The following TCF7L1 variants were observed in gnomAD, a reference collection of about 807,000 sequenced individuals.
TCF7L1 encodes transcription factor 7-like 1.
Under a neutral mutation model 63.7 loss-of-function variants are expected in TCF7L1, and 18 were observed. That is an observed-to-expected ratio of 0.28 (90% CI 0.20 to 0.42). The LOEUF is 0.42. Among genes scored for constraint, TCF7L1 ranks in the 10% least tolerant of loss-of-function variants. The pLI is 1.00. For synonymous variants in TCF7L1, 355 were observed against 340.9 expected, an observed-to-expected ratio of 1.04 and a Z score of -0.46; for missense variants, 654 against 779.3, an observed-to-expected ratio of 0.84 and a Z score of 1.91.
intron 3 of TCF7L1, among the ~76,000 whole-genome samples, chr2:85,260,001 C>G (rs369871688): frequency 9.9e-5 from 15 of 152,274 alleles, no homozygotes; most frequent in Middle Eastern, 3.4e-3. Flanking sequence ...CAGCCTCCCC[C>G]ACAACTGACC....
At chr2:85,257,964 C>T (rs945201991) in intron 3 of TCF7L1, among the ~76,000 whole-genome samples, 1 of 152,310 alleles carries the variant, frequency 6.6e-6, no homozygotes, top group Admixed American at 6.5e-5. Flanking sequence ...CAGTCAAATC[C>T]TGGCTCCACA....
Position 85,309,295 on chromosome 2 carries a change from C to G in TCF7L1, c.1600C>G (p.Gln534Glu). The change falls in exon 12 of 12, where the codon CAG (glutamine) becomes GAG (glutamate). Residue 534 changes from glutamine to glutamate, a missense_variant. Gln to Glu is a conservative substitution (Grantham distance 29). Coordinates refer to ENST00000282111, the MANE Select transcript of TCF7L1 (RefSeq NM_031283.3). ...SAKAAASSSG[Q>E]MGSQPPLLSR... is the part of the protein sequence containing the mutation. ...TAAGGCTGCAGCCTCCTCCTCTGGG[C>G]AGATGGGCAGCCAGCCTCCCCTCCT... 6.2e-7 allele frequency: 1 copy of G among 1,613,476 alleles called. No individual in the cohort carries two copies. The highest frequency in any genetic ancestry group is 1.3e-5 in the African/African-American group (1 of 75,020).
At chr2:85,272,631 CA>C (rs569222504) in intron 3 of TCF7L1, among the ~76,000 whole-genome samples, 3,031 of 140,376 alleles carry the variant, frequency 0.022, 30 homozygotes, top group South Asian at 0.029. Flanking sequence ...CTGTCTCTAC[CA>C]AAAAAAAAAA....
At chr2:85,248,176 C>T (rs1680508889) in intron 3 of TCF7L1, among the ~76,000 whole-genome samples, 1 of 152,154 alleles carries the variant, frequency 6.6e-6, no homozygotes, top group African/African-American at 2.4e-5. Context: ...AGGGAGCTAA[C>T]TGCCCCCCTG....
At chr2:85,258,503 T>C (rs946036505) in intron 3 of TCF7L1, among the ~76,000 whole-genome samples, 6 of 152,050 alleles carry the variant, frequency 3.9e-5, no homozygotes, top group Admixed American at 1.3e-4. Context: ...CAAGACCTCA[T>C]AGGACAAGAT....
chr2:85,196,093 G>A (rs1266648708), intron 3 of TCF7L1, among the ~76,000 whole-genome samples: 1 of 152,168 alleles, frequency 6.6e-6, no homozygotes, highest in Non-Finnish European at 1.5e-5. Flanking sequence ...TGCTGTTGAT[G>A]TTGCTGGCAT....
At chr2:85,227,129 A>C (rs1461064950) in intron 3 of TCF7L1, among the ~76,000 whole-genome samples, 1 of 152,116 alleles carries the variant, frequency 6.6e-6, no homozygotes, top group South Asian at 2.1e-4. Context: ...GTTCACTCCT[A>C]TGCTGTTTTG....
intron 3 of TCF7L1, among the ~76,000 whole-genome samples, chr2:85,261,738 T>G (rs1680861289): frequency 1.3e-5 from 2 of 151,546 alleles, no homozygotes; most frequent in African/African-American, 4.9e-5. Flanking sequence ...AAAAAAAAAA[T>G]TAGCTGGGTG....
chr2:85,174,307 C>T (rs1678627148), intron 3 of TCF7L1, among the ~76,000 whole-genome samples: 1 of 152,134 alleles, frequency 6.6e-6, no homozygotes, highest in Non-Finnish European at 1.5e-5. Context: ...TGGTGTGTAT[C>T]AGCACTTCCT....
rs1681471284 is a variant in TCF7L1, at chr2:85,283,467, A to G, written c.442-28A>G. 3 of 1,613,668 alleles carry G rather than the reference A, an allele frequency of 1.9e-6. No homozygotes were observed. The African/African-American group carries it at 4.0e-5, about 22-fold the overall frequency. ...ACTTGTGAGGCCTCATCTCACCAAC[A>G]GCTTTTTCTTTTCTGTTCCCTGTGC... is the stretch of plus-strand genomic sequence containing the variant. On this transcript the variant is annotated intron_variant, in intron 3 of 11. Transcript: ENST00000282111.
At chr2:85,299,134 C>A (rs1275620319) in intron 4 of TCF7L1, among the ~76,000 whole-genome samples, 1 of 151,208 alleles carries the variant, frequency 6.6e-6, no homozygotes, top group Non-Finnish European at 1.5e-5. Flanking sequence ...TTCTGTTACC[C>A]ATTGAGTCCT....
intron 3 of TCF7L1, among the ~76,000 whole-genome samples, chr2:85,279,372 A>AACGT (rs201010571): frequency 6.1e-5 from 9 of 147,290 alleles, no homozygotes; most frequent in African/African-American, 2.3e-4. Flanking sequence ...GAGCCTGGGC[A>AACGT]ACGTAGCAAG....
At chr2:85,264,493 G>T (rs1680924681) in intron 3 of TCF7L1, among the ~76,000 whole-genome samples, 1 of 152,160 alleles carries the variant, frequency 6.6e-6, no homozygotes, top group Non-Finnish European at 1.5e-5. Flanking sequence ...AAGTGGCAAA[G>T]ATGTGGAATT....
chr2:85,220,735 G>T (rs1281335204), intron 3 of TCF7L1, among the ~76,000 whole-genome samples: 5 of 152,144 alleles, frequency 3.3e-5, no homozygotes, highest in African/African-American at 1.2e-4. Flanking sequence ...AGAAAAGTGG[G>T]AATAAATAAT....
At chr2:85,192,952 G>A (rs962640729) in intron 3 of TCF7L1, among the ~76,000 whole-genome samples, 1 of 152,032 alleles carries the variant, frequency 6.6e-6, no homozygotes, top group Non-Finnish European at 1.5e-5. Context: ...GCCTCATAAA[G>A]CACCAGGATT....
chr2:85,147,198 G>A (rs1241841493), intron 3 of TCF7L1, among the ~76,000 whole-genome samples: 1 of 152,158 alleles, frequency 6.6e-6, no homozygotes, highest in Non-Finnish European at 1.5e-5. Context: ...TCTCACATCT[G>A]GAAACCCTGC....
chr2:85,192,663 G>T (rs61637222), intron 3 of TCF7L1, among the ~76,000 whole-genome samples: 8,166 of 150,818 alleles, frequency 0.054, 749 homozygotes, highest in African/African-American at 0.19. Flanking sequence ...GATTACACGT[G>T]TGAGCCGTGG....
chr2:85,261,601 C>A (rs1449793070), intron 3 of TCF7L1, among the ~76,000 whole-genome samples: 1 of 152,148 alleles, frequency 6.6e-6, no homozygotes, highest in African/African-American at 2.4e-5. Context: ...GTTGTCAAAG[C>A]TAAAAAGAAG....
At chr2:85,269,794 G>A (rs976842450) in intron 3 of TCF7L1, among the ~76,000 whole-genome samples, 1 of 152,184 alleles carries the variant, frequency 6.6e-6, no homozygotes, top group Non-Finnish European at 1.5e-5. Flanking sequence ...ATAAAATCGT[G>A]TTGTTCCCTG....
Sources: gnomAD v4.1 joint callset for allele counts (sites outside exome capture counted in the v4.1 genomes callset) on GRCh38, gnomAD v4.1.1 for gene constraint, MANE v1.5 for transcripts, NCBI Gene and HGNC (gene_info 2026-07-23, HGNC 2026-07-21) for gene names.